SH3GL2: variants seen among roughly 807,000 people sequenced by gnomAD.
SH3GL2 encodes endophilin-A1.
Under a neutral mutation model 46.0 loss-of-function variants are expected in SH3GL2, and 24 were observed. The observed-to-expected ratio is 0.52, with a 90% CI of 0.38 to 0.73. The LOEUF (loss-of-function observed/expected upper bound fraction) is 0.73. SH3GL2 is among the 30% of genes least tolerant of loss of function. The pLI is 0.00. For missense variants in SH3GL2, 413 were observed against 424.2 expected (o/e 0.97, Z 0.23); for synonymous variants, 196 against 147.1 (o/e 1.33, Z -2.40).
At chr9:17,581,608 G>C (rs1453806710) in intron 1 of SH3GL2, among the ~76,000 whole-genome samples, 1 of 152,222 alleles carries the variant, frequency 6.6e-6, no homozygotes, top group Admixed American at 6.5e-5. Flanking sequence ...CCGTGAACCT[G>C]ATGTTATCTA....
intron 1 of SH3GL2, among the ~76,000 whole-genome samples, chr9:17,616,613 T>C (rs1456003250): frequency 6.6e-6 from 1 of 152,200 alleles, no homozygotes; most frequent in African/African-American, 2.4e-5. Flanking sequence ...ATTATGAATC[T>C]TTTGAAATCA....
At chr9:17,678,989 A>T (rs529098439) in intron 1 of SH3GL2, among the ~76,000 whole-genome samples, 2 of 152,196 alleles carry the variant, frequency 1.3e-5, no homozygotes, top group South Asian at 4.1e-4. Flanking sequence ...CCATTGGTCT[A>T]TATCTCTATT....
At chr9:17,611,825 G>C (rs1818873852) in intron 1 of SH3GL2, among the ~76,000 whole-genome samples, 1 of 152,138 alleles carries the variant, frequency 6.6e-6, no homozygotes, top group African/African-American at 2.4e-5. Context: ...AGGACTTGCT[G>C]GCCCCAGGTC....
chr9:17,752,765 C>T (rs1033872767), intron 2 of SH3GL2, among the ~76,000 whole-genome samples: 1 of 152,110 alleles, frequency 6.6e-6, no homozygotes, highest in Non-Finnish European at 1.5e-5. Context: ...CATAGGTAGA[C>T]ACGTGTCATG....
intron 1 of SH3GL2, among the ~76,000 whole-genome samples, chr9:17,621,583 A>G (rs1390720714): frequency 6.6e-6 from 1 of 152,238 alleles, no homozygotes; most frequent in East Asian, 1.9e-4. Context: ...GGAGAGATCA[A>G]GATCATGTTC....
intron 1 of SH3GL2, among the ~76,000 whole-genome samples, chr9:17,596,269 C>T (rs1166047751): frequency 6.6e-6 from 1 of 152,160 alleles, no homozygotes; most frequent in East Asian, 1.9e-4. Context: ...TCTGGTTTCA[C>T]CAAGAAGATG....
intron 2 of SH3GL2, among the ~76,000 whole-genome samples, chr9:17,753,378 T>C (rs1218450352): frequency 1.3e-5 from 2 of 152,018 alleles, no homozygotes; most frequent in African/African-American, 2.4e-5. Flanking sequence ...CTGTTGTTTT[T>C]TGACTTTTTA....
At chr9:17,723,454 A>T (rs1316525535) in intron 1 of SH3GL2, among the ~76,000 whole-genome samples, 1 of 152,140 alleles carries the variant, frequency 6.6e-6, no homozygotes, top group Non-Finnish European at 1.5e-5. Flanking sequence ...TACATCTTTC[A>T]TATATGAACC....
At chr9:17,768,708 T>G (rs969960395) in intron 3 of SH3GL2, among the ~76,000 whole-genome samples, 2 of 152,174 alleles carry the variant, frequency 1.3e-5, no homozygotes, top group Non-Finnish European at 2.9e-5. Flanking sequence ...CATCTGCCCC[T>G]TCTTCGACAA....
chr9:17,614,530 A>C (rs918026956), intron 1 of SH3GL2, among the ~76,000 whole-genome samples: 2 of 152,082 alleles, frequency 1.3e-5, no homozygotes, highest in African/African-American at 4.8e-5. Context: ...ATTTTCTGTC[A>C]TAGGGCAAAC....
intron 1 of SH3GL2, among the ~76,000 whole-genome samples, chr9:17,643,458 CA>C (rs1563794836): frequency 6.6e-6 from 1 of 152,056 alleles, no homozygotes; most frequent in Non-Finnish European, 1.5e-5. Flanking sequence ...TAGGAGTTTT[CA>C]AAGGGAATGC....
At chr9:17,728,871 A>G (rs878943257) in intron 1 of SH3GL2, among the ~76,000 whole-genome samples, 1 of 152,096 alleles carries the variant, frequency 6.6e-6, no homozygotes, top group African/African-American at 2.4e-5. Context: ...TATCCAGTCT[A>G]TCATTGATGG....
intron 1 of SH3GL2, among the ~76,000 whole-genome samples, chr9:17,591,569 T>C (rs1396355360): frequency 1.3e-5 from 2 of 152,220 alleles, no homozygotes; most frequent in Non-Finnish European, 2.9e-5. Flanking sequence ...GTATCAGTTA[T>C]TCAGGAAAAA....
At position 17,715,575 on chromosome 9, in the gene SH3GL2, A is replaced by G. The variant is rs535778625; in HGVS notation, c.46-31491A>G. On this transcript the variant is annotated intron_variant, in intron 1 of 8. Transcript: ENST00000380607. The stretch of plus-strand genomic sequence containing the variant: ...TGCTAGGCTTTAAATTTCACTAATC[A>G]TTTTTCCTGCAAGACCTCCCGTGGT... Among the ~76,000 whole-genome samples the G allele has an allele frequency of 2.6e-5, 4 of 151,768 alleles. 1 individual carries two copies. In the East Asian group the frequency reaches 7.8e-4, roughly 29 times the overall value.
At chr9:17,614,173 G>T (rs1028075980) in intron 1 of SH3GL2, among the ~76,000 whole-genome samples, 1 of 151,838 alleles carries the variant, frequency 6.6e-6, no homozygotes, top group African/African-American at 2.4e-5. Context: ...GTTTCTAGGT[G>T]CTGTAAATTG....
chr9:17,650,727 C>T (rs142867967), intron 1 of SH3GL2, among the ~76,000 whole-genome samples: 58 of 152,276 alleles, frequency 3.8e-4, no homozygotes, highest in African/African-American at 1.2e-3. Flanking sequence ...TGGCTAAAGC[C>T]GACCTGAATA....
intron 1 of SH3GL2, among the ~76,000 whole-genome samples, chr9:17,727,653 C>T (rs997603200): frequency 6.6e-6 from 1 of 152,162 alleles, no homozygotes; most frequent in Non-Finnish European, 1.5e-5. Flanking sequence ...GCAACCACAG[C>T]CACTGGGAAT....
chr9:17,682,183 C>T (rs775079269), intron 1 of SH3GL2, among the ~76,000 whole-genome samples: 36 of 152,068 alleles, frequency 2.4e-4, no homozygotes, highest in East Asian at 3.9e-4. Context: ...CCAGAACTAC[C>T]GTTTGACCCA....
chr9:17,667,248 G>A (rs935298751), intron 1 of SH3GL2, among the ~76,000 whole-genome samples: 18 of 152,120 alleles, frequency 1.2e-4, no homozygotes, highest in Middle Eastern at 3.4e-3. Context: ...TCCTTTAAAA[G>A]TGTACAATTC....
Sources: allele counts gnomAD v4.1 joint callset (sites outside exome capture counted in the v4.1 genomes callset), GRCh38; gene constraint gnomAD v4.1.1; transcripts MANE v1.5; gene names NCBI Gene and HGNC (gene_info 2026-07-23, HGNC 2026-07-21).